ERICH1: variants seen among roughly 807,000 people sequenced by gnomAD.
ERICH1 encodes the protein glutamate rich 1.
A neutral mutation model predicts 39.6 loss-of-function variants in ERICH1; 56 were observed. That is an observed-to-expected ratio of 1.41 (90% confidence interval 1.14 to 1.77). The LOEUF is 1.77. ERICH1 is among the 40% of genes most tolerant of loss of function. The probability of loss-of-function intolerance (pLI) is 0.00; values close to 1 mark genes in which losing one functional copy is unlikely to be tolerated. For missense variants in ERICH1, 826 were observed against 575.4 expected, an observed-to-expected ratio of 1.44 and a Z score of -4.45; for synonymous variants, 313 against 223.6, an observed-to-expected ratio of 1.40 and a Z score of -3.57.
At chr8:728,941 G>A (rs1203413660) in intron 1 of ERICH1, among the ~76,000 whole-genome samples, 1 of 151,950 alleles carries the variant, frequency 6.6e-6, no homozygotes, top group East Asian at 1.9e-4. Context: ...AAAATGCTTA[G>A]AATCACTGTT....
chr8:679,231 A>T (rs1283069026), intron 3 of ERICH1, among the ~76,000 whole-genome samples: 1 of 66,332 alleles, frequency 1.5e-5, no homozygotes, highest in Non-Finnish European at 3.0e-5. Context: ...ACAGCTCCCA[A>T]CTCACAGCTT....
intron 2 of ERICH1, among the ~76,000 whole-genome samples, chr8:695,968 A>C (rs1330875506): frequency 8.3e-5 from 2 of 24,130 alleles, no homozygotes; most frequent in Non-Finnish European, 6.7e-5. Context: ...CGCTCCTCTC[A>C]CCCTCCACTC....
chr8:697,043 G>C (rs10093234), intron 2 of ERICH1, among the ~76,000 whole-genome samples: 104,154 of 152,082 alleles, frequency 0.68, 36,046 homozygotes, highest in East Asian at 0.88. Flanking sequence ...CCTGTCCTCA[G>C]GGTGACTTCC....
chr8:686,378 CTA>C (rs1189625444), intron 3 of ERICH1, among the ~76,000 whole-genome samples: 1 of 152,020 alleles, frequency 6.6e-6, no homozygotes, highest in Non-Finnish European at 1.5e-5. Context: ...AATCGAGTAA[CTA>C]TGTTTTACGA....
chr8:699,659 G>C (rs1423046643), intron 2 of ERICH1, among the ~76,000 whole-genome samples: 1 of 151,840 alleles, frequency 6.6e-6, no homozygotes, highest in Non-Finnish European at 1.5e-5. Context: ...GCACACACAG[G>C]AGCACGTACA....
chr8:699,204 C>A (rs936401740), intron 2 of ERICH1, among the ~76,000 whole-genome samples: 37 of 152,178 alleles, frequency 2.4e-4, no homozygotes, highest in Admixed American at 2.4e-3. Flanking sequence ...TACCCTGATA[C>A]GAGATGTGTA....
intron 3 of ERICH1, among the ~76,000 whole-genome samples, chr8:633,067 G>A (rs975519428): frequency 4.6e-5 from 7 of 152,252 alleles, no homozygotes; most frequent in South Asian, 2.1e-4. Flanking sequence ...TGTGGGGCCC[G>A]CGCGGGGCCG....
At chr8:709,172 T>A (rs1252955601) in intron 2 of ERICH1, among the ~76,000 whole-genome samples, 1 of 152,208 alleles carries the variant, frequency 6.6e-6, no homozygotes, top group East Asian at 1.9e-4. Flanking sequence ...TCTGCCCTTG[T>A]GACACGACCT....
intron 1 of ERICH1, among the ~76,000 whole-genome samples, chr8:720,087 C>G (rs1221745536): frequency 1.3e-5 from 2 of 152,236 alleles, no homozygotes; most frequent in Non-Finnish European, 2.9e-5. Context: ...CTCTTGTCTT[C>G]TGAACACAAA....
intron 3 of ERICH1, among the ~76,000 whole-genome samples, chr8:621,763 T>C (rs936719197): frequency 1.3e-5 from 2 of 152,112 alleles, no homozygotes; most frequent in Non-Finnish European, 2.9e-5. Flanking sequence ...GGACATCTTA[T>C]AAAATAATGA....
intron 2 of ERICH1, among the ~76,000 whole-genome samples, chr8:704,064 C>T (rs906429684): frequency 6.6e-6 from 1 of 152,138 alleles, no homozygotes; most frequent in Non-Finnish European, 1.5e-5. Flanking sequence ...CTTCTCACAG[C>T]GACACTGGAT....
intron 2 of ERICH1, among the ~76,000 whole-genome samples, chr8:695,111 C>T (rs1197370419): frequency 1.3e-5 from 2 of 152,108 alleles, no homozygotes; most frequent in African/African-American, 4.8e-5. Context: ...TGTCATTGAC[C>T]TGGCTCCTTT....
intron 2 of ERICH1, among the ~76,000 whole-genome samples, chr8:700,569 G>GGCCCGCACAC (rs1811876607): frequency 3.8e-5 from 3 of 78,182 alleles, no homozygotes; most frequent in Non-Finnish European, 6.2e-5. Flanking sequence ...GGCCCGCACA[G>GGCCCGCACAC]GCGCACAGAC....
chr8:668,466 A>G (rs1288628886), intron 5 of ERICH1, 132 bp downstream of exon 5: 3 of 832,538 alleles, frequency 3.6e-6, no homozygotes, highest in Non-Finnish European at 5.9e-6. Context: ...CTGGGACTCT[A>G]TTCTCCCATG....
Position 727,581 on chromosome 8 carries a change from G to A in ERICH1, c.22+3559C>T, listed in dbSNP as rs531836300. Among the ~76,000 whole-genome samples, 4 of 152,308 alleles carry A rather than the reference G, an allele frequency of 2.6e-5. No homozygotes were observed. In the South Asian group the frequency reaches 6.2e-4, roughly 24 times the overall value. On this transcript the variant is annotated intron_variant, in intron 1 of 5. Transcript: ENST00000262109. ...AAGGGCGAGTGAAGCTGTCCTGTGCGTGCAGCAGTCACAGCAAGAATGGAT... is the reference window on the plus strand; with the variant it reads ...AAGGGCGAGTGAAGCTGTCCTGTGCATGCAGCAGTCACAGCAAGAATGGAT...
intron 1 of ERICH1, among the ~76,000 whole-genome samples, chr8:718,748 G>C (rs113733023): frequency 6.6e-6 from 1 of 152,202 alleles, no homozygotes; most frequent in African/African-American, 2.4e-5. Context: ...GAATCAATCT[G>C]CTGGCACAGC....
intron 5 of ERICH1, chr8:666,192 A>C (rs1802207795): frequency 6.6e-6 from 1 of 152,244 alleles, no homozygotes; most frequent in South Asian, 2.1e-4. Flanking sequence ...AATTGTTTTA[A>C]TAATGGGGGG....
intron 2 of ERICH1, among the ~76,000 whole-genome samples, chr8:707,983 C>T (rs981959812): frequency 2.6e-4 from 39 of 152,056 alleles, no homozygotes; most frequent in Non-Finnish European, 3.4e-4. Flanking sequence ...GGGCAAAGGA[C>T]GTAAGCAGAT....
At chr8:652,512 A>G (rs1313525991) in intron 3 of ERICH1, among the ~76,000 whole-genome samples, 1 of 152,234 alleles carries the variant, frequency 6.6e-6, no homozygotes, top group African/African-American at 2.4e-5. Context: ...TCTGGCTCAC[A>G]CCTGCTGTTT....
Sources: gnomAD v4.1 joint callset for allele counts (sites outside exome capture counted in the v4.1 genomes callset) on GRCh38, gnomAD v4.1.1 for gene constraint, MANE v1.5 for transcripts, NCBI Gene and HGNC (gene_info 2026-07-23, HGNC 2026-07-21) for gene names.